ARHGAP26: variants seen among roughly 807,000 people sequenced by gnomAD.
ARHGAP26 encodes the protein rho GTPase-activating protein 26.
Under a neutral mutation model 104.8 loss-of-function variants are expected in ARHGAP26, and 38 were observed. That is an observed-to-expected ratio of 0.36 (90% CI 0.28 to 0.48). ARHGAP26 has a LOEUF of 0.48. Ranked by LOEUF, ARHGAP26 falls within the 20% of genes least tolerant of loss-of-function variation. ARHGAP26 has a pLI of 0.99. For missense variants in ARHGAP26, 704 were observed against 947.9 expected (o/e 0.74, Z 3.38); for synonymous variants, 341 against 340.0 (o/e 1.00, Z -0.03).
At chr5:142,954,881 C>T (rs763869427) in intron 11 of ARHGAP26, among the ~76,000 whole-genome samples, 2 of 152,140 alleles carry the variant, frequency 1.3e-5, no homozygotes, top group African/African-American at 2.4e-5. Context: ...GGGCCAGTTC[C>T]TGCACTGCTT....
intron 11 of ARHGAP26, among the ~76,000 whole-genome samples, chr5:142,975,794 G>C (rs573864900): frequency 1.3e-5 from 2 of 152,264 alleles, no homozygotes; most frequent in East Asian, 3.9e-4. Flanking sequence ...TGTGTCCTGG[G>C]TTGCCTGGAG....
At chr5:142,969,916 CTTG>C (rs764441011) in intron 11 of ARHGAP26, among the ~76,000 whole-genome samples, 14 of 152,144 alleles carry the variant, frequency 9.2e-5, no homozygotes, top group African/African-American at 9.6e-5. Context: ...ACTTCGGTGG[CTTG>C]TTGTTGTTGT....
chr5:143,221,424 CAAAAAAA>C (rs56114785), intron 22 of ARHGAP26, among the ~76,000 whole-genome samples: 2 of 83,632 alleles, frequency 2.4e-5, no homozygotes, highest in Admixed American at 1.2e-4. Flanking sequence ...TGACAGCAAC[CAAAAAAA>C]AAAAAAAAAA....
chr5:143,178,225 C>A (rs1289393993), intron 20 of ARHGAP26, among the ~76,000 whole-genome samples: 1 of 151,964 alleles, frequency 6.6e-6, no homozygotes, highest in Non-Finnish European at 1.5e-5. Context: ...GTCTCAAACT[C>A]CTGACCTCAA....
chr5:143,071,753 A>T (rs777272959), intron 17 of ARHGAP26, among the ~76,000 whole-genome samples: 40 of 152,054 alleles, frequency 2.6e-4, no homozygotes, highest in Admixed American at 1.3e-3. Flanking sequence ...ACTACAAAAA[A>T]ATTAGCCAGG....
chr5:142,899,839 GAAAAAC>G (rs1760041788), intron 6 of ARHGAP26, among the ~76,000 whole-genome samples: 1 of 152,106 alleles, frequency 6.6e-6, no homozygotes, highest in Non-Finnish European at 1.5e-5. Flanking sequence ...ACTAAAGGAG[GAAAAAC>G]AAAATAAATA....
At chr5:143,042,850 C>T (rs955803106) in intron 14 of ARHGAP26, among the ~76,000 whole-genome samples, 1 of 152,104 alleles carries the variant, frequency 6.6e-6, no homozygotes, top group Non-Finnish European at 1.5e-5. Flanking sequence ...TAGCCAAAAC[C>T]CTATTGTATT....
At chr5:143,005,434 T>A (rs1562245037) in intron 11 of ARHGAP26, among the ~76,000 whole-genome samples, 1 of 152,260 alleles carries the variant, frequency 6.6e-6, no homozygotes, top group Admixed American at 6.5e-5. Context: ...CAATCATATG[T>A]GCAGTAGGAT....
intron 1 of ARHGAP26, among the ~76,000 whole-genome samples, chr5:142,850,325 CT>C (rs1469512631): frequency 1.3e-5 from 2 of 152,178 alleles, no homozygotes; most frequent in Non-Finnish European, 2.9e-5. Flanking sequence ...GAACATCATC[CT>C]TTCAGTGGGG....
intron 1 of ARHGAP26, among the ~76,000 whole-genome samples, chr5:142,862,884 G>A (rs1004248599): frequency 2.6e-5 from 4 of 152,102 alleles, no homozygotes; most frequent in African/African-American, 9.7e-5. Flanking sequence ...CATTTCATTT[G>A]GGGAGTATTA....
intron 1 of ARHGAP26, among the ~76,000 whole-genome samples, chr5:142,847,370 T>C (rs1280012409): frequency 6.6e-6 from 1 of 152,006 alleles, no homozygotes; most frequent in Non-Finnish European, 1.5e-5. Flanking sequence ...GTCTTTTTTT[T>C]TTTTGAGACG....
intron 20 of ARHGAP26, among the ~76,000 whole-genome samples, chr5:143,177,811 C>T (rs1371108868): frequency 6.6e-6 from 1 of 152,040 alleles, no homozygotes; most frequent in Non-Finnish European, 1.5e-5. Context: ...AGGCCCACAC[C>T]TGTTTCTTGT....
At chr5:142,926,362 A>G (rs1487133309) in intron 10 of ARHGAP26, among the ~76,000 whole-genome samples, 1 of 152,192 alleles carries the variant, frequency 6.6e-6, no homozygotes, top group Non-Finnish European at 1.5e-5. Context: ...AAGCAGATCC[A>G]GATTCTTAAG....
At position 143,188,205 on chromosome 5, in the gene ARHGAP26, A is replaced by G. The variant is rs572630299; in HGVS notation, c.1989-18993A>G. On this transcript the variant is annotated intron_variant, in intron 20 of 22. Coordinates refer to ENST00000645722, the MANE Select transcript of ARHGAP26 (RefSeq NM_001135608.3). Reference sequence around the variant, plus strand: ...GTAATCACAACAGTGTTTTGCTACTAAGTACAATACGTGGGGGCATTCACA... The same window carrying G: ...GTAATCACAACAGTGTTTTGCTACTGAGTACAATACGTGGGGGCATTCACA... Among the ~76,000 whole-genome samples, 23 of 152,362 alleles carry G rather than the reference A, an allele frequency of 1.5e-4. No homozygotes were observed. In the East Asian group the frequency reaches 4.4e-3, roughly 29 times the overall value.
At chr5:143,166,531 A>C (rs1234806307) in intron 20 of ARHGAP26, among the ~76,000 whole-genome samples, 1 of 152,024 alleles carries the variant, frequency 6.6e-6, no homozygotes, top group African/African-American at 2.4e-5. Context: ...CTTTCCCACC[A>C]TTCTGTGCCT....
chr5:143,095,407 G>T (rs866639173), intron 17 of ARHGAP26, among the ~76,000 whole-genome samples: 1 of 151,892 alleles, frequency 6.6e-6, no homozygotes, highest in Non-Finnish European at 1.5e-5. Context: ...ACCTCTTTAC[G>T]CTCTTAAAAT....
rs143734303 is a variant in ARHGAP26, at chr5:143,061,889, G to T, written c.1538+4142G>T. 3.2e-3 allele frequency among the ~76,000 whole-genome samples: 481 copies of T among 152,264 alleles called. 2 individuals are homozygous for T. The highest frequency in any genetic ancestry group is 0.011 in the African/African-American group (463 of 41,544). ...TTCTTCTCTGAGTCCCTTTTTAAGG[G>T]CTAGGATGATACTTTTCCCAGACAT... On this transcript the variant is annotated intron_variant, in intron 17 of 22. Transcript: ENST00000645722.
chr5:143,123,201 A>G (rs1051710310), intron 18 of ARHGAP26, among the ~76,000 whole-genome samples: 8 of 152,228 alleles, frequency 5.3e-5, no homozygotes, highest in African/African-American at 1.9e-4. Context: ...TGCCAAAGTC[A>G]TGGTATTTGA....
rs1811530587 is a variant in ARHGAP26 at position 143,224,843 on chromosome 5, G to A, written c.*2397G>A. ...ATTGTGCCGTCATAGCTTTACAGGTGGTTTTAAAGTTAACAGGGGTTTGTC... is the reference window on the plus strand; with the variant it reads ...ATTGTGCCGTCATAGCTTTACAGGTAGTTTTAAAGTTAACAGGGGTTTGTC... On this transcript the variant is annotated 3_prime_UTR_variant, in exon 23 of 23. Coordinates refer to ENST00000645722, the MANE Select transcript of ARHGAP26 (RefSeq NM_001135608.3). 1 of 227,434 alleles carries A rather than the reference G, an allele frequency of 4.4e-6. No homozygotes were observed. Among genetic ancestry groups the A allele is most frequent in the African/African-American group, 2.2e-5 (1 of 45,042 alleles). The allele number at this position is 227,434 out of a possible 1,614,324, so 14.1% of individuals were successfully genotyped here.
Sources: gnomAD v4.1 joint callset for allele counts (sites outside exome capture counted in the v4.1 genomes callset) on GRCh38, gnomAD v4.1.1 for gene constraint, MANE v1.5 for transcripts, NCBI Gene and HGNC (gene_info 2026-07-23, HGNC 2026-07-21) for gene names.